The following EXTL3 variants were observed in gnomAD, a reference collection of about 807,000 sequenced individuals.
EXTL3 encodes the protein exostosin-like 3.
A neutral mutation model predicts 69.3 loss-of-function variants in EXTL3; 27 were observed. The observed-to-expected ratio is 0.39, with a 90% CI of 0.29 to 0.54. The LOEUF (loss-of-function observed/expected upper bound fraction) is 0.54, where lower values mean the gene tolerates loss of function less well. EXTL3 is among the 20% of genes least tolerant of loss of function. The probability of loss-of-function intolerance (pLI) is 0.69; values close to 1 mark genes in which losing one functional copy is unlikely to be tolerated. For synonymous variants in EXTL3, 511 were observed against 499.4 expected (o/e 1.02, Z -0.31); for missense variants, 1,003 against 1,231.8 (o/e 0.81, Z 2.78).
chr8:28,714,234 A>C (rs1801094582), intron 2 of EXTL3, among the ~76,000 whole-genome samples: 1 of 152,114 alleles, frequency 6.6e-6, no homozygotes, highest in African/African-American at 2.4e-5. Context: ...AGAAATTGTT[A>C]TTATAATTTA....
At chr8:28,747,328 G>A (rs1047302804) in intron 6 of EXTL3, among the ~76,000 whole-genome samples, 3 of 152,196 alleles carry the variant, frequency 2.0e-5, no homozygotes, top group South Asian at 2.1e-4. Flanking sequence ...GAGGAGACAG[G>A]TGGGACCCTG....
At chr8:28,711,268 C>A (rs1031943990) in intron 1 of EXTL3, among the ~76,000 whole-genome samples, 2 of 152,060 alleles carry the variant, frequency 1.3e-5, no homozygotes, top group African/African-American at 4.8e-5. Context: ...AGTGACAAAC[C>A]TCTTTGTTTT....
chr8:28,655,067 G>A (rs961809588), intron 1 of EXTL3, among the ~76,000 whole-genome samples: 1 of 152,140 alleles, frequency 6.6e-6, no homozygotes, highest in Non-Finnish European at 1.5e-5. Flanking sequence ...GTTAGCATGA[G>A]GCCTCTGATA....
At chr8:28,707,736 C>G (rs575742170) in intron 1 of EXTL3, among the ~76,000 whole-genome samples, 2 of 152,086 alleles carry the variant, frequency 1.3e-5, no homozygotes, top group African/African-American at 2.4e-5. Context: ...AGCACGGTCC[C>G]GGTTTGTTAT....
intron 1 of EXTL3, among the ~76,000 whole-genome samples, chr8:28,702,615 C>T (rs1800835492): frequency 6.8e-6 from 1 of 146,008 alleles, no homozygotes; most frequent in African/African-American, 2.5e-5. Context: ...TTTTTCTTCC[C>T]TTTTTAAAAA....
At chr8:28,748,339 C>G (rs1801932473) in intron 6 of EXTL3, among the ~76,000 whole-genome samples, 1 of 151,316 alleles carries the variant, frequency 6.6e-6, no homozygotes, top group Admixed American at 6.6e-5. Flanking sequence ...GCACTGCACT[C>G]CAGCCTGGGA....
chr8:28,710,529 C>T lies in EXTL3; in HGVS notation c.-569-2928C>T, dbSNP rs17059317. The stretch of plus-strand genomic sequence containing the variant: ...GTAAGTGGGGAGAATTTTTATGCTT[C>T]TGGATAGGATTACCCTAATATTGTG... On this transcript the variant is annotated intron_variant, in intron 1 of 6. Transcript: ENST00000220562. 974 of 455,264 alleles carry T rather than the reference C, an allele frequency of 2.1e-3. 15 individuals carry two copies. Among genetic ancestry groups the T allele is most frequent in the African/African-American group, 0.018 (903 of 49,862 alleles). 28.2% of individuals were successfully genotyped at this position (455,264 alleles called of 1,614,324 possible). A position where few individuals can be genotyped will look rare whatever the true frequency, so the allele number is the denominator to read the frequency against.
In EXTL3 at chr8:28,671,348, G is replaced by A. The variant is rs1253110965; in HGVS notation, c.-52-42109G>A. 5.4e-5 allele frequency among the ~76,000 whole-genome samples: 6 copies of A among 110,330 alleles called. No individual in the cohort carries two copies. In the South Asian group the frequency reaches 1.2e-3, roughly 23 times the overall value. 72.4% of individuals were successfully genotyped at this position (110,330 alleles called of 152,430 possible). A position where few individuals can be genotyped will look rare whatever the true frequency, so the allele number is the denominator to read the frequency against. The stretch of plus-strand genomic sequence containing the variant: ...TTTTTTTGAGACCGACTCTCTCTCT[G>A]TTGCCTAGGCTGGAGTGCAGTGTCA... On this transcript the variant is annotated intron_variant, in intron 1 of 6. Coordinates refer to the EXTL3 transcript ENST00000523149.
upstream of EXTL3, among the ~76,000 whole-genome samples, chr8:28,619,076 C>T (rs1585216192): frequency 1.8e-5 from 2 of 109,810 alleles, no homozygotes; most frequent in Non-Finnish European, 3.4e-5. Flanking sequence ...TGGGACACAG[C>T]GTGAGACTCC....
intron 3 of EXTL3, among the ~76,000 whole-genome samples, chr8:28,727,463 A>G (rs1363679577): frequency 6.6e-6 from 1 of 152,218 alleles, no homozygotes; most frequent in Non-Finnish European, 1.5e-5. Context: ...TCTAAAGCAC[A>G]AGTAGGTTCT....
chr8:28,736,311 C>G (rs898409418), intron 4 of EXTL3, among the ~76,000 whole-genome samples: 1 of 152,150 alleles, frequency 6.6e-6, no homozygotes, highest in Admixed American at 6.5e-5. Flanking sequence ...ATAAAATCTT[C>G]TGTGTCTTAG....
chr8:28,626,685 C>T (rs1327834188), intron 1 of EXTL3, among the ~76,000 whole-genome samples: 1 of 152,154 alleles, frequency 6.6e-6, no homozygotes, highest in Non-Finnish European at 1.5e-5. Flanking sequence ...TTCCCAGAAG[C>T]GTGTACTGAG....
At position 28,713,860 on chromosome 8, in the gene EXTL3, T is replaced by C. The variant is rs534614739; in HGVS notation, c.-476+310T>C. Among the ~76,000 whole-genome samples the C allele has an allele frequency of 2.0e-5, 3 of 152,138 alleles. No homozygotes were observed. The South Asian group carries it at 6.2e-4, about 32-fold the overall frequency. ...TCACACCATCATTTCCCTCCTCTCA[T>C]TCTTTGCTGTTAGCTGATTCTAATA... On this transcript the variant is annotated intron_variant, in intron 2 of 6. Transcript: ENST00000220562.
chr8:28,660,063 GT>G (rs1335732539), intron 1 of EXTL3, among the ~76,000 whole-genome samples: 2 of 152,178 alleles, frequency 1.3e-5, no homozygotes, highest in Non-Finnish European at 2.9e-5. Flanking sequence ...ACTCAACTTA[GT>G]TTAAAAAATA....
chr8:28,671,420 A>G (rs977168093), intron 1 of EXTL3, among the ~76,000 whole-genome samples: 1 of 149,344 alleles, frequency 6.7e-6, no homozygotes, highest in Admixed American at 6.7e-5. Context: ...GATTTCGGCA[A>G]CCTCTGCCTC....
intron 1 of EXTL3, among the ~76,000 whole-genome samples, chr8:28,624,330 G>A (rs1283737860): frequency 3.9e-5 from 6 of 152,184 alleles, no homozygotes; most frequent in East Asian, 3.8e-4. Flanking sequence ...TCCGGAGGCC[G>A]AGGTGGGAGG....
At chr8:28,630,298 C>T (rs1585221535) in intron 1 of EXTL3, among the ~76,000 whole-genome samples, 1 of 152,188 alleles carries the variant, frequency 6.6e-6, no homozygotes, top group Admixed American at 6.5e-5. Flanking sequence ...CTGCCTTCTG[C>T]TGTGATTGTG....
intron 1 of EXTL3, among the ~76,000 whole-genome samples, chr8:28,679,176 G>A (rs1354335868): frequency 6.6e-6 from 1 of 152,222 alleles, no homozygotes; most frequent in Admixed American, 6.5e-5. Flanking sequence ...GGCCAGGCGT[G>A]CCGGTTCACG....
At chr8:28,671,735 G>T (rs1277954964) in intron 1 of EXTL3, among the ~76,000 whole-genome samples, 1 of 152,186 alleles carries the variant, frequency 6.6e-6, no homozygotes, top group Non-Finnish European at 1.5e-5. Context: ...TAGGATAAAG[G>T]TAGGAGTTAC....
Sources: allele counts gnomAD v4.1 joint callset (sites outside exome capture counted in the v4.1 genomes callset), GRCh38; gene constraint gnomAD v4.1.1; transcripts MANE v1.5; gene names NCBI Gene and HGNC (gene_info 2026-07-23, HGNC 2026-07-21).